ERBB4: variants seen among roughly 807,000 people sequenced by gnomAD.
The protein encoded by ERBB4 is erb-b2 receptor tyrosine kinase 4.
ERBB4 carries 42 observed loss-of-function variants against 158.0 expected under a neutral mutation model. That is an observed-to-expected ratio of 0.27 (90% CI 0.21 to 0.34). ERBB4 has a LOEUF of 0.34. Ranked by LOEUF, ERBB4 falls within the 10% of genes least tolerant of loss-of-function variation. The probability of loss-of-function intolerance (pLI) is 1.00; values close to 1 mark genes in which losing one functional copy is unlikely to be tolerated. For synonymous variants in ERBB4, 583 were observed against 558.7 expected, an observed-to-expected ratio of 1.04 and a Z score of -0.61; for missense variants, 1,333 against 1,624.1, an observed-to-expected ratio of 0.82 and a Z score of 3.08.
chr2:211,962,187 G>T (rs1254207355), intron 2 of ERBB4, among the ~76,000 whole-genome samples: 1 of 152,008 alleles, frequency 6.6e-6, no homozygotes, highest in African/African-American at 2.4e-5. Flanking sequence ...GCTTATGAAA[G>T]TATAAAAATA....
At chr2:211,790,056 C>T (rs2076246781) in intron 3 of ERBB4, among the ~76,000 whole-genome samples, 1 of 151,884 alleles carries the variant, frequency 6.6e-6, no homozygotes, top group Non-Finnish European at 1.5e-5. Context: ...TTTTTTATGA[C>T]CTAACCATAC....
At chr2:211,509,195 G>A (rs978579948) in intron 20 of ERBB4, among the ~76,000 whole-genome samples, 2 of 151,878 alleles carry the variant, frequency 1.3e-5, no homozygotes, top group African/African-American at 2.4e-5. Flanking sequence ...GGGAGTGGGG[G>A]ACAAGGGGAG....
At chr2:212,077,248 G>C (rs542036621) in intron 2 of ERBB4, among the ~76,000 whole-genome samples, 1 of 151,830 alleles carries the variant, frequency 6.6e-6, no homozygotes, top group East Asian at 1.9e-4. Context: ...TTTAACTTAC[G>C]TATATTCGAT....
chr2:211,665,779 A>C (rs2071608055), intron 14 of ERBB4, among the ~76,000 whole-genome samples: 1 of 152,220 alleles, frequency 6.6e-6, no homozygotes, highest in Admixed American at 6.5e-5. Context: ...TTTCCATGTC[A>C]TGACTCTAAT....
chr2:211,696,560 GC>G (rs2073029970), intron 12 of ERBB4, among the ~76,000 whole-genome samples: 1 of 152,066 alleles, frequency 6.6e-6, no homozygotes, highest in South Asian at 2.1e-4. Flanking sequence ...TAAAACCCAG[GC>G]CATTTGGCTC....
At chr2:212,340,898 A>G (rs2088677067) in intron 1 of ERBB4, among the ~76,000 whole-genome samples, 14 of 152,170 alleles carry the variant, frequency 9.2e-5, no homozygotes, top group Admixed American at 9.2e-4. Context: ...ATTTATTTTT[A>G]TCATCTATCT....
chr2:211,569,644 A>G (rs2067655169), intron 19 of ERBB4, among the ~76,000 whole-genome samples: 2 of 152,222 alleles, frequency 1.3e-5, no homozygotes, highest in African/African-American at 4.8e-5. Context: ...ACAAAGTCAT[A>G]TATATAAATA....
At chr2:211,611,870 A>G (rs115257209) in intron 19 of ERBB4, among the ~76,000 whole-genome samples, 1 of 152,052 alleles carries the variant, frequency 6.6e-6, no homozygotes, top group Non-Finnish European at 1.5e-5. Flanking sequence ...ACAGGCAAGC[A>G]CTCACAAGAT....
chr2:212,153,581 G>T (rs58725196), intron 1 of ERBB4, among the ~76,000 whole-genome samples: 12,460 of 152,168 alleles, frequency 0.082, 906 homozygotes, highest in African/African-American at 0.19. Context: ...ACCGCATATT[G>T]TTGTTTTATT....
chr2:212,090,407 A>G (rs1227758679), intron 2 of ERBB4, among the ~76,000 whole-genome samples: 1 of 152,046 alleles, frequency 6.6e-6, no homozygotes, highest in African/African-American at 2.4e-5. Flanking sequence ...TCATGGCTCT[A>G]TTTCTCCTTA....
chr2:211,479,154 T>C (rs1275542454), intron 20 of ERBB4, among the ~76,000 whole-genome samples: 1 of 152,086 alleles, frequency 6.6e-6, no homozygotes, highest in African/African-American at 2.4e-5. Flanking sequence ...CCTGGTTTAG[T>C]AGGTATGGAG....
Position 212,065,368 on chromosome 2 carries a change from A to G in ERBB4, c.234+59384T>C, listed in dbSNP as rs116015769. On this transcript the variant is annotated intron_variant, in intron 2 of 27. Coordinates refer to ENST00000342788, the MANE Select transcript of ERBB4 (RefSeq NM_005235.3). ...GGTGAACCATGCAAAATTGCCTACA[A>G]AAAGAGCAAATTCAGTGGCTCAACT... Among the ~76,000 whole-genome samples the G allele has an allele frequency of 1.8e-3, 269 of 152,122 alleles. 3 individuals are homozygous for G. The highest frequency in any genetic ancestry group is 6.1e-3 in the African/African-American group (254 of 41,556).
chr2:211,560,137 T>A (rs2067344896), intron 20 of ERBB4, among the ~76,000 whole-genome samples: 1 of 152,104 alleles, frequency 6.6e-6, no homozygotes, highest in South Asian at 2.1e-4. Flanking sequence ...CTCAAAGTAG[T>A]TTCTCTTATT....
intron 1 of ERBB4, among the ~76,000 whole-genome samples, chr2:212,484,079 G>T (rs1418910745): frequency 6.6e-6 from 1 of 151,842 alleles, no homozygotes; most frequent in African/African-American, 2.4e-5. Context: ...TTCTGGAGAG[G>T]TATTAATGTT....
intron 19 of ERBB4, among the ~76,000 whole-genome samples, chr2:211,598,243 C>T (rs2068696875): frequency 6.6e-6 from 1 of 152,070 alleles, no homozygotes; most frequent in African/African-American, 2.4e-5. Flanking sequence ...AAGTCCTCTG[C>T]AACTAGATCA....
chr2:212,242,926 A>C (rs1479021826), intron 1 of ERBB4, among the ~76,000 whole-genome samples: 8 of 152,170 alleles, frequency 5.3e-5, no homozygotes, highest in Non-Finnish European at 1.0e-4. Context: ...GGGAGATTGC[A>C]CTTGAACACA....
intron 22 of ERBB4, among the ~76,000 whole-genome samples, chr2:211,424,716 A>G (rs1199335491): frequency 6.6e-6 from 1 of 152,128 alleles, no homozygotes; most frequent in African/African-American, 2.4e-5. Context: ...ATATTGACTA[A>G]TTTTAAGATC....
chr2:211,773,612 A>AT lies in ERBB4; in HGVS notation c.556+14412dup, dbSNP rs1559505856. ...CTTCTGTAACTTTATATATATATAT[A>AT]TATATATATATATATATATATATAT... On this transcript the variant is annotated intron_variant, in intron 4 of 27. Coordinates refer to ENST00000342788, the MANE Select transcript of ERBB4 (RefSeq NM_005235.3). Among the ~76,000 whole-genome samples the AT allele has an allele frequency of 6.3e-5, 2 of 31,978 alleles. 1 individual carries two copies. The highest frequency in any genetic ancestry group is 4.1e-4 in the African/African-American group (2 of 4,826). 21.0% of individuals were successfully genotyped at this position (31,978 alleles called of 152,430 possible).
At chr2:211,846,363 C>T (rs1452763393) in intron 3 of ERBB4, among the ~76,000 whole-genome samples, 7 of 152,106 alleles carry the variant, frequency 4.6e-5, no homozygotes, top group Admixed American at 3.9e-4. Context: ...TTACATTCAT[C>T]AGGGTGTTCT....
Sources: allele counts gnomAD v4.1 joint callset (sites outside exome capture counted in the v4.1 genomes callset), GRCh38; gene constraint gnomAD v4.1.1; transcripts MANE v1.5; gene names NCBI Gene and HGNC (gene_info 2026-07-23, HGNC 2026-07-21).